The following ANAPC4 variants were observed in gnomAD, a reference collection of about 807,000 sequenced individuals.
ANAPC4 encodes the protein anaphase-promoting complex subunit 4.
In ANAPC4, 63 loss-of-function variants were observed where a neutral mutation model predicts 119.8. The ratio of observed to expected loss-of-function variants is 0.53; its 90% CI spans 0.43 to 0.65. The LOEUF (loss-of-function observed/expected upper bound fraction) is 0.65, where lower values mean the gene tolerates loss of function less well. ANAPC4 is among the 30% of genes least tolerant of loss of function. The pLI is 0.00. For synonymous variants in ANAPC4, 283 were observed against 318.6 expected, an observed-to-expected ratio of 0.89 and a Z score of 1.19; for missense variants, 716 against 945.1, an observed-to-expected ratio of 0.76 and a Z score of 3.18.
chr4:25,413,517 A>G lies in ANAPC4; in HGVS notation c.1526-128A>G, dbSNP rs1027985768. 16 of 609,840 alleles carry G rather than the reference A, an allele frequency of 2.6e-5. No homozygotes were observed. The African/African-American group carries it at 2.7e-4, about 10-fold the overall frequency. The allele number at this position is 609,840 out of a possible 1,614,324, so 37.8% of individuals were successfully genotyped here. The stretch of plus-strand genomic sequence containing the variant: ...AATGAGGTTGTGTGAAAATCCAATG[A>G]AGTGGTCAGTGAAAATTCTACCTCG... On this transcript the variant is annotated intron_variant, in intron 21 of 28. Transcript: ENST00000315368.
chr4:25,408,537 A>AT (rs970901675), intron 20 of ANAPC4, among the ~76,000 whole-genome samples: 29 of 57,106 alleles, frequency 5.1e-4, no homozygotes, highest in East Asian at 8.9e-4. Context: ...AAAAAAAAAA[A>AT]TTTTTTTTTT....
rs1471695779 is a variant in ANAPC4, at chr4:25,383,330, A to C, written c.305A>C (p.His102Pro). The change falls in exon 4 of 29, where the codon CAC becomes CCC. Residue 102 changes from histidine (H) to proline (P), a missense_variant. Coordinates refer to ENST00000315368, the MANE Select transcript of ANAPC4 (RefSeq NM_013367.3). ...GATGTAGAAAAACCTGAGAGCTTACACTCTTTTTCTGTGGAGGCTCCAGTT... is the reference window on the plus strand; with the variant it reads ...GATGTAGAAAAACCTGAGAGCTTACCCTCTTTTTCTGTGGAGGCTCCAGTT... ...LCDVEKPESL[H>P]SFSVEAPVSC... The C allele has an allele frequency of 6.2e-7, 1 of 1,612,950 alleles. No homozygotes were observed. The highest frequency in any genetic ancestry group is 1.7e-4 in the Middle Eastern group (1 of 6,054).
chr4:25,389,984 GAGTGTT>G (rs1560433343), intron 7 of ANAPC4, 146 bp from the exon 8 acceptor site: 3 of 478,086 alleles, frequency 6.3e-6, no homozygotes. Context: ...ACTGAATATT[GAGTGTT>G]AGTGGATTTG....
chr4:25,410,815 A>G (rs901527084), intron 21 of ANAPC4, among the ~76,000 whole-genome samples: 1 of 152,212 alleles, frequency 6.6e-6, no homozygotes, highest in African/African-American at 2.4e-5. Flanking sequence ...ATTGTATAAG[A>G]TGTACATGAA....
chr4:25,413,487 T>C, intron 21 of ANAPC4, 158 bp from the exon 22 acceptor site: 1 of 538,170 alleles, frequency 1.9e-6, no homozygotes, highest in East Asian at 3.0e-5. Flanking sequence ...ACCATGGTCG[T>C]TTTTAATGAG....
Position 25,405,594 on chromosome 4 carries a change from A to G in ANAPC4, c.1292A>G (p.Asp431Gly). The change falls in exon 18 of 29, where the codon GAC becomes GGC. Residue 431 changes from aspartate (D) to glycine (G), a missense_variant. Physicochemically the swap from Asp to Gly is moderately conservative, Grantham distance 94. Around this residue, in one of 3 missense-constraint regions of ANAPC4, gnomAD observed 504 missense variants for 615.8 expected, o/e 0.82. Coordinates refer to ENST00000315368, the MANE Select transcript of ANAPC4 (RefSeq NM_013367.3). This position sits in a 1 kb window ranked among gnomAD's most constrained non-coding sequence, Gnocchi z 4.6. ...CCAGCAATGTTGAGAATGACAGAAG[A>G]CCATGTGCTTCCCGAGCTGAATAAG... ...LYVAMLRMTE[D>G]HVLPELNKMT... 6.2e-7 allele frequency: 1 copy of G among 1,613,690 alleles called. No homozygotes were observed. The highest frequency in any genetic ancestry group is 8.5e-7 in the Non-Finnish European group (1 of 1,179,710).
At chr4:25,413,599 T>C in intron 21 of ANAPC4, 46 bp from the exon 22 acceptor site, 1 of 1,436,578 alleles carries the variant, frequency 7.0e-7, no homozygotes, top group Admixed American at 1.8e-5. Context: ...ATTATAAGTT[T>C]GCTATAGCTT....
chr4:25,404,822 A>T (rs1475103601), intron 17 of ANAPC4, among the ~76,000 whole-genome samples: 1 of 152,080 alleles, frequency 6.6e-6, no homozygotes, highest in Non-Finnish European at 1.5e-5. Context: ...TATTGCTAGC[A>T]CCTAGGGTAT....
intron 16 of ANAPC4, among the ~76,000 whole-genome samples, chr4:25,400,629 G>A (rs1560440565): frequency 6.6e-6 from 1 of 152,214 alleles, no homozygotes. Flanking sequence ...TGCTGCAGGA[G>A]TGGGGCACAG....
At chr4:25,409,089 T>TA (rs1011906086) in intron 20 of ANAPC4, among the ~76,000 whole-genome samples, 28 of 152,266 alleles carry the variant, frequency 1.8e-4, no homozygotes, top group Non-Finnish European at 2.5e-4. Context: ...TAGCATAGTG[T>TA]AAAGGGCAGG....
chr4:25,415,289 G>A, intron 25 of ANAPC4, 177 bp from the exon 26 acceptor site: 1 of 472,814 alleles, frequency 2.1e-6, no homozygotes, highest in Non-Finnish European at 3.8e-6. Flanking sequence ...AAATGTCTTT[G>A]GTGACTGTGT....
At chr4:25,385,122 A>AT (rs1423110394) in intron 4 of ANAPC4, among the ~76,000 whole-genome samples, 2 of 152,172 alleles carry the variant, frequency 1.3e-5, no homozygotes, top group African/African-American at 4.8e-5. Context: ...AGAACAGTAA[A>AT]TGAGTTTTGG....
In ANAPC4 at chr4:25,418,163, A is replaced by T; in HGVS notation, c.2208A>T (p.Ser736=). 1 of 1,612,582 alleles carries T rather than the reference A, an allele frequency of 6.2e-7. No homozygotes were observed. The highest frequency in any genetic ancestry group is 8.5e-7 in the Non-Finnish European group (1 of 1,179,534). ...GGCCTTTTCTTTTTTAGTTAAGCTC[A>T]AATCTTCGTCATGTGAGAGTATTTG... ...GFRKVSCVLS[S]NLRHVRVFEM... Residue 736 remains serine, a synonymous_variant, in exon 29 of 29, where the codon TCA becomes TCT. Coordinates refer to ENST00000315368, the MANE Select transcript of ANAPC4 (RefSeq NM_013367.3).
rs759024464 is a variant in ANAPC4, at chr4:25,383,292, A to G, written c.267A>G (p.Lys89=). 6.8e-6 allele frequency: 11 copies of G among 1,610,916 alleles called. No homozygotes were observed. The highest frequency in any genetic ancestry group is 9.3e-6 in the Non-Finnish European group (11 of 1,178,900). ...CCTTTGCTCTTGCTGATACCAAGAA[A>G]ATTGTTTTGTGTGATGTAGAAAAAC... ...LLAFALADTK[K]IVLCDVEKPE... The change falls in exon 4 of 29, where the codon AAA becomes AAG. Residue 89 remains lysine (K), a synonymous_variant. Coordinates refer to ENST00000315368, the MANE Select transcript of ANAPC4 (RefSeq NM_013367.3).
chr4:25,414,347 T>C lies in ANAPC4; in HGVS notation c.1647T>C (p.Asn549=). 1 of 1,598,552 alleles carries C rather than the reference T, an allele frequency of 6.3e-7. No homozygotes were observed. ...KPADVIGKSM[N]QAICIPLYRD... The stretch of plus-strand genomic sequence containing the variant: ...AGGATGTAATTGGAAAATCGATGAA[T>C]CAAGCAATCTGTATTCCATTGTATA... The change falls in exon 23 of 29, where the codon AAT becomes AAC. Residue 549 remains asparagine, a synonymous_variant. Transcript: ENST00000315368.
chr4:25,395,971 AC>A (rs1203731768), intron 14 of ANAPC4, among the ~76,000 whole-genome samples: 1 of 152,126 alleles, frequency 6.6e-6, no homozygotes, highest in Admixed American at 6.5e-5. Flanking sequence ...CCTTTAGCAT[AC>A]CTGCCTCTCT....
At chr4:25,391,160 T>G in intron 9 of ANAPC4, 145 bp downstream of exon 9, 1 of 600,044 alleles carries the variant, frequency 1.7e-6, no homozygotes, top group Non-Finnish European at 2.9e-6. Context: ...CCTAATATAC[T>G]GAGTGTTATT....
chr4:25,417,820 A>C, intron 28 of ANAPC4, 81 bp downstream of exon 28: 1 of 1,510,402 alleles, frequency 6.6e-7, no homozygotes, highest in Non-Finnish European at 8.9e-7. Flanking sequence ...CAAATACATG[A>C]TATATAAGGT....
intron 3 of ANAPC4, among the ~76,000 whole-genome samples, chr4:25,381,335 C>G (rs1721707858): frequency 6.6e-6 from 1 of 151,852 alleles, no homozygotes; most frequent in Non-Finnish European, 1.5e-5. Context: ...GTCGCCCAGG[C>G]TGGAGTGCAG....
Sources: gnomAD v4.1 joint callset for allele counts (sites outside exome capture counted in the v4.1 genomes callset) on GRCh38, gnomAD v4.1.1 for gene constraint, gnomAD v4.1.1 regional missense constraint, Gnocchi (gnomAD v3.1) non-coding constraint, MANE v1.5 for transcripts, NCBI Gene and HGNC (gene_info 2026-07-23, HGNC 2026-07-21) for gene names.